SHISA9: variants seen among roughly 807,000 people sequenced by gnomAD.
SHISA9 encodes shisa family member 9, also known as protein shisa-9.
SHISA9 carries 13 observed loss-of-function variants against 38.0 expected under a neutral mutation model. That is an observed-to-expected ratio of 0.34 (90% CI 0.22 to 0.54). The LOEUF is 0.54. SHISA9 is among the 20% of genes least tolerant of loss of function. SHISA9 has a pLI of 0.91. For missense variants in SHISA9, 538 were observed against 575.8 expected (o/e 0.93, Z 0.67); for synonymous variants, 275 against 242.0 (o/e 1.14, Z -1.27).
chr16:13,012,126 C>CT (rs917232420), intron 2 of SHISA9, among the ~76,000 whole-genome samples: 42 of 149,962 alleles, frequency 2.8e-4, no homozygotes, highest in Non-Finnish European at 3.4e-4. Flanking sequence ...GTGCCCAGCC[C>CT]TTTTTTTTTT....
chr16:13,151,533 G>T (rs2050499560), intron 2 of SHISA9, among the ~76,000 whole-genome samples: 1 of 152,046 alleles, frequency 6.6e-6, no homozygotes, highest in African/African-American at 2.4e-5. Context: ...CCTGTGTCTG[G>T]ATATATCTTA....
chr16:13,462,702 G>A, the SHISA9 span, among the ~76,000 whole-genome samples: 6 of 152,092 alleles, frequency 3.9e-5, no homozygotes, highest in African/African-American at 9.7e-5. Context: ...TGGCTCACAC[G>A]TGTAATCGTA....
the SHISA9 span, among the ~76,000 whole-genome samples, chr16:13,245,874 T>G: frequency 2.0e-5 from 3 of 152,298 alleles, no homozygotes; most frequent in Admixed American, 1.3e-4. Flanking sequence ...TGTCCAAGGT[T>G]CAGGAAGCTC....
At chr16:12,934,658 C>T (rs777984664) in intron 2 of SHISA9, among the ~76,000 whole-genome samples, 23 of 152,178 alleles carry the variant, frequency 1.5e-4, no homozygotes, top group Non-Finnish European at 3.1e-4. Context: ...GCTTCATTCA[C>T]AGTGAGTTTG....
At chr16:13,051,379 C>A in intron 2 of SHISA9, among the ~76,000 whole-genome samples, 1 of 152,184 alleles carries the variant, frequency 6.6e-6, no homozygotes, top group East Asian at 1.9e-4. Flanking sequence ...ATTGTCTCCA[C>A]CTGGCCCTGC....
intron 2 of SHISA9, among the ~76,000 whole-genome samples, chr16:12,961,772 A>G (rs114812915): frequency 0.037 from 5,643 of 151,920 alleles, 233 homozygotes; most frequent in African/African-American, 0.11. Flanking sequence ...TTTCCCTCCA[A>G]TCAGCTCTCT....
At chr16:13,389,150 G>A in the SHISA9 span, among the ~76,000 whole-genome samples, 2 of 152,174 alleles carry the variant, frequency 1.3e-5, no homozygotes, top group African/African-American at 4.8e-5. Context: ...AATGTATAAT[G>A]ATGTGTATTT....
chr16:13,336,857 C>G, the SHISA9 span, among the ~76,000 whole-genome samples: 1 of 152,154 alleles, frequency 6.6e-6, no homozygotes, highest in South Asian at 2.1e-4. Flanking sequence ...TGTGGAGGCT[C>G]AAACCTCCAC....
At chr16:13,553,408 C>T in the SHISA9 span, among the ~76,000 whole-genome samples, 1 of 152,110 alleles carries the variant, frequency 6.6e-6, no homozygotes, top group Non-Finnish European at 1.5e-5. Context: ...TAAGTTTTAC[C>T]GCAAATCTCT....
chr16:13,257,080 C>G, the SHISA9 span, among the ~76,000 whole-genome samples: 99,058 of 151,630 alleles, frequency 0.65, 32,585 homozygotes, highest in African/African-American at 0.72. Flanking sequence ...GACTCTCTGC[C>G]CATTTACGAA....
At chr16:13,160,178 G>C (rs2050582880) in intron 2 of SHISA9, among the ~76,000 whole-genome samples, 1 of 152,132 alleles carries the variant, frequency 6.6e-6, no homozygotes, top group Non-Finnish European at 1.5e-5. Context: ...GGAATCACAG[G>C]TGAACAGATT....
At chr16:13,386,177 T>C in the SHISA9 span, among the ~76,000 whole-genome samples, 2 of 152,238 alleles carry the variant, frequency 1.3e-5, no homozygotes, top group Non-Finnish European at 2.9e-5. Context: ...ATTATATTAA[T>C]GTCAATATCC....
the SHISA9 span, among the ~76,000 whole-genome samples, chr16:13,539,454 G>C: frequency 6.6e-6 from 1 of 150,656 alleles, no homozygotes; most frequent in East Asian, 2.0e-4. Context: ...TGGGATTACA[G>C]GTGTCAACCA....
At chr16:13,221,033 A>AG (rs1161769546) in intron 4 of SHISA9, among the ~76,000 whole-genome samples, 1 of 115,522 alleles carries the variant, frequency 8.7e-6, no homozygotes, top group African/African-American at 3.7e-5. Flanking sequence ...ATGGGATTTT[A>AG]GAAAAAAAAA....
intron 2 of SHISA9, among the ~76,000 whole-genome samples, chr16:13,120,261 G>A (rs2074072480): frequency 6.6e-6 from 1 of 152,210 alleles, no homozygotes; most frequent in Non-Finnish European, 1.5e-5. Context: ...GCTGTTGATA[G>A]TAGTGCAGTG....
chr16:13,161,099 G>A (rs2050591425), intron 2 of SHISA9, among the ~76,000 whole-genome samples: 1 of 152,154 alleles, frequency 6.6e-6, no homozygotes, highest in South Asian at 2.1e-4. Flanking sequence ...GTGGAGCCGT[G>A]GAAATTCTCA....
intron 2 of SHISA9, among the ~76,000 whole-genome samples, chr16:13,037,097 C>CACACAGACAG (rs1567190784): frequency 1.2e-4 from 9 of 76,300 alleles, no homozygotes; most frequent in Admixed American, 4.9e-4. Context: ...ACCACACACA[C>CACACAGACAG]ACACACACAC....
the SHISA9 span, among the ~76,000 whole-genome samples, chr16:13,318,532 G>A: frequency 6.6e-6 from 1 of 152,064 alleles, no homozygotes; most frequent in Non-Finnish European, 1.5e-5. Context: ...CACCATATCG[G>A]CCAGGCTGGT....
the SHISA9 span, among the ~76,000 whole-genome samples, chr16:13,355,590 G>A: frequency 6.6e-6 from 1 of 152,150 alleles, no homozygotes; most frequent in Non-Finnish European, 1.5e-5. Flanking sequence ...GCTTAAAAGA[G>A]TATTGTCTAA....
Sources: gnomAD v4.1 joint callset for allele counts (sites outside exome capture counted in the v4.1 genomes callset) on GRCh38, gnomAD v4.1.1 for gene constraint, MANE v1.5 for transcripts, NCBI Gene and HGNC (gene_info 2026-07-23, HGNC 2026-07-21) for gene names.